The following CLASP1 variants were observed in gnomAD, a reference collection of about 807,000 sequenced individuals.
CLASP1 encodes the protein cytoplasmic linker associated protein 1, also known as CLIP-associating protein 1.
CLASP1 carries 38 observed loss-of-function variants against 192.3 expected under a neutral mutation model. That is an observed-to-expected ratio of 0.20 (90% CI 0.15 to 0.26). The LOEUF (loss-of-function observed/expected upper bound fraction) is 0.26, where lower values mean the gene tolerates loss of function less well. Ranked by LOEUF, CLASP1 falls within the 10% of genes least tolerant of loss-of-function variation. The pLI is 1.00. For missense variants in CLASP1, 1,433 were observed against 1,932.5 expected, an observed-to-expected ratio of 0.74 and a Z score of 4.85; for synonymous variants, 691 against 712.8, an observed-to-expected ratio of 0.97 and a Z score of 0.49.
intron 2 of CLASP1, among the ~76,000 whole-genome samples, chr2:121,594,366 G>A (rs2062849383): frequency 6.6e-6 from 1 of 151,312 alleles, no homozygotes; most frequent in African/African-American, 2.4e-5. Flanking sequence ...ATTTGAGTAT[G>A]TCTCGTAAAT....
At chr2:121,496,948 C>T (rs1199613905) in intron 8 of CLASP1, among the ~76,000 whole-genome samples, 1 of 152,096 alleles carries the variant, frequency 6.6e-6, no homozygotes, top group Admixed American at 6.5e-5. Flanking sequence ...TAGAGGCCAT[C>T]ATATTATATA....
chr2:121,612,399 G>A (rs1269015169), intron 1 of CLASP1, among the ~76,000 whole-genome samples: 1 of 151,270 alleles, frequency 6.6e-6, no homozygotes, highest in African/African-American at 2.4e-5. Flanking sequence ...AATTGGAGGA[G>A]TTGGAGGAGG....
intron 24 of CLASP1, 60 bp from the exon 26 acceptor site, chr2:121,407,775 G>T (rs1574438754): frequency 1.3e-6 from 2 of 1,593,146 alleles, no homozygotes; most frequent in East Asian, 4.5e-5. Context: ...TGAAATGACT[G>T]TGAGTCACAC....
At chr2:121,455,044 C>T (rs2086328223) in intron 14 of CLASP1, among the ~76,000 whole-genome samples, 1 of 152,218 alleles carries the variant, frequency 6.6e-6, no homozygotes, top group African/African-American at 2.4e-5. Flanking sequence ...ATCCCTCTGG[C>T]ATGCCAACTT....
At chr2:121,362,025 C>A (rs1457802716) in intron 37 of CLASP1, among the ~76,000 whole-genome samples, 1 of 152,220 alleles carries the variant, frequency 6.6e-6, no homozygotes, top group Non-Finnish European at 1.5e-5. Flanking sequence ...AGCAGTCACA[C>A]AAACGCCAAA....
chr2:121,608,181 C>G (rs1251712474), intron 1 of CLASP1, among the ~76,000 whole-genome samples: 2 of 152,136 alleles, frequency 1.3e-5, no homozygotes, highest in Non-Finnish European at 2.9e-5. Flanking sequence ...TTTATCATCT[C>G]TTATGTTGGA....
intron 2 of CLASP1, among the ~76,000 whole-genome samples, chr2:121,605,454 C>T (rs1340341840): frequency 6.6e-6 from 1 of 152,196 alleles, no homozygotes; most frequent in Non-Finnish European, 1.5e-5. Flanking sequence ...AAAAAGCCTC[C>T]CCTTATCTGT....
intron 6 of CLASP1, among the ~76,000 whole-genome samples, chr2:121,521,493 A>T (rs1301839572): frequency 6.6e-6 from 1 of 152,184 alleles, no homozygotes; most frequent in Non-Finnish European, 1.5e-5. Flanking sequence ...GCTCCGAGCT[A>T]CTGGCAGATC....
intron 32 of CLASP1, 33 bp from the exon 34 acceptor site, chr2:121,382,357 G>A (rs879007508): frequency 3.4e-5 from 48 of 1,402,180 alleles, no homozygotes; most frequent in Non-Finnish European, 4.2e-5. Flanking sequence ...ATCAGAGAGA[G>A]AAATACAAAA....
chr2:121,455,245 CTCTTTTT>C (rs1385828868), intron 14 of CLASP1, among the ~76,000 whole-genome samples: 1 of 152,152 alleles, frequency 6.6e-6, no homozygotes, highest in Non-Finnish European at 1.5e-5. Flanking sequence ...TTCTTCTTTT[CTCTTTTT>C]GTCTTTCATG....
At chr2:121,606,796 G>A (rs186219470) in intron 1 of CLASP1, among the ~76,000 whole-genome samples, 23 of 152,316 alleles carry the variant, frequency 1.5e-4, no homozygotes, top group Admixed American at 1.0e-3. Flanking sequence ...AGTGGCTCAC[G>A]CCTGTAATCC....
chr2:121,435,060 C>T (rs1469066057), intron 19 of CLASP1, among the ~76,000 whole-genome samples: 2 of 152,086 alleles, frequency 1.3e-5, no homozygotes, highest in African/African-American at 4.8e-5. Context: ...GTGGCTCTCC[C>T]CTGTAACCTC....
intron 2 of CLASP1, among the ~76,000 whole-genome samples, chr2:121,554,537 G>A (rs1439558615): frequency 1.3e-5 from 2 of 152,136 alleles, no homozygotes; most frequent in Non-Finnish European, 2.9e-5. Context: ...GGTTGAGGTG[G>A]GAGGATGGCG....
intron 23 of CLASP1, among the ~76,000 whole-genome samples, chr2:121,413,615 C>G (rs1469472752): frequency 6.6e-6 from 1 of 152,204 alleles, no homozygotes; most frequent in Non-Finnish European, 1.5e-5. Flanking sequence ...GAATCCTGAT[C>G]TTGTTTTTCC....
At position 121,638,736 on chromosome 2, in the gene CLASP1, C is replaced by T. The variant is rs548772577; in HGVS notation, c.-286+10636G>A. Among the ~76,000 whole-genome samples the T allele has an allele frequency of 7.9e-5, 12 of 150,958 alleles. No individual in the cohort carries two copies. In the South Asian group the frequency reaches 1.5e-3, roughly 18 times the overall value. On this transcript the variant is annotated intron_variant, in intron 1 of 39. Coordinates refer to ENST00000263710, the Ensembl canonical transcript of CLASP1. ...AGGCTGGAGTGCAGTGGCATGATCT[C>T]GGCTCACTGCAACCTCCGCCTCCCA... is the stretch of plus-strand genomic sequence containing the variant.
chr2:121,368,279 A>T (rs2067837393), intron 34 of CLASP1, among the ~76,000 whole-genome samples: 1 of 152,170 alleles, frequency 6.6e-6, no homozygotes, highest in Non-Finnish European at 1.5e-5. Context: ...CCATCCCCAG[A>T]TTAATTCCTT....
intron 1 of CLASP1, among the ~76,000 whole-genome samples, chr2:121,639,051 C>T (rs575306932): frequency 1.3e-5 from 2 of 152,070 alleles, no homozygotes; most frequent in East Asian, 3.9e-4. Context: ...CTGAGGTAGG[C>T]GGATCACAAG....
Position 121,575,827 on chromosome 2 carries a change from G to A in CLASP1, c.195+29874C>T, listed in dbSNP as rs75052781. On this transcript the variant is annotated intron_variant, in intron 2 of 39. Transcript: ENST00000263710. ...GTGGCATAATCTCTAAAGCATCGGT[G>A]TAAATATCCAGGCTCAAGACCTGTT... Among the ~76,000 whole-genome samples, 1,079 of 152,320 alleles carry A rather than the reference G, an allele frequency of 7.1e-3. 12 individuals are homozygous for A. The highest frequency in any genetic ancestry group is 0.024 in the African/African-American group (990 of 41,564).
At chr2:121,490,904 C>T (rs1379467725) in intron 8 of CLASP1, among the ~76,000 whole-genome samples, 1 of 152,212 alleles carries the variant, frequency 6.6e-6, no homozygotes, top group Non-Finnish European at 1.5e-5. Flanking sequence ...AGAATTGGCA[C>T]CTGATCCACT....
Sources: allele counts gnomAD v4.1 joint callset (sites outside exome capture counted in the v4.1 genomes callset), GRCh38; gene constraint gnomAD v4.1.1; transcripts MANE v1.5; gene names NCBI Gene and HGNC (gene_info 2026-07-23, HGNC 2026-07-21).